GABRG3: variants seen among roughly 807,000 people sequenced by gnomAD.
GABRG3 encodes gamma-aminobutyric acid type A receptor subunit gamma3.
A neutral mutation model predicts 48.8 loss-of-function variants in GABRG3; 25 were observed. The ratio of observed to expected loss-of-function variants is 0.51; its 90% CI spans 0.37 to 0.72. GABRG3 has a LOEUF of 0.72. Among genes scored for constraint, GABRG3 ranks in the 30% least tolerant of loss-of-function variants. The pLI, the probability that GABRG3 is intolerant of heterozygous loss-of-function variation, is 0.00. For synonymous variants in GABRG3, 227 were observed against 217.6 expected (o/e 1.04, Z -0.38); for missense variants, 394 against 577.9 (o/e 0.68, Z 3.26).
intron 5 of GABRG3, among the ~76,000 whole-genome samples, chr15:27,402,395 A>G (rs576697688): frequency 6.6e-6 from 1 of 152,322 alleles, no homozygotes; most frequent in African/African-American, 2.4e-5. Flanking sequence ...TCCTCTATGG[A>G]TATCAGCATT....
At chr15:27,469,345 A>G (rs768427319) in intron 5 of GABRG3, among the ~76,000 whole-genome samples, 25 of 151,754 alleles carry the variant, frequency 1.6e-4, no homozygotes, top group Non-Finnish European at 2.9e-4. Flanking sequence ...TTTTTATTTT[A>G]TTTTATTTTT....
intron 3 of GABRG3, among the ~76,000 whole-genome samples, chr15:27,213,965 C>T (rs1001716255): frequency 2.8e-4 from 42 of 152,170 alleles, no homozygotes; most frequent in African/African-American, 9.9e-4. Flanking sequence ...GGAGTGCTTC[C>T]AAGGTAACAG....
At chr15:27,375,210 A>C (rs1025788983) in intron 5 of GABRG3, among the ~76,000 whole-genome samples, 6 of 152,078 alleles carry the variant, frequency 3.9e-5, no homozygotes, top group Non-Finnish European at 1.5e-5. Context: ...AGTTCAGTTC[A>C]TGTAAATGCT....
chr15:27,002,418 G>T (rs1002440208), intron 2 of GABRG3, among the ~76,000 whole-genome samples: 2 of 152,136 alleles, frequency 1.3e-5, no homozygotes, highest in African/African-American at 4.8e-5. Context: ...AGAAATTTTA[G>T]CAGTGGGCTC....
rs960053548 is a variant in GABRG3, at chr15:26,975,209, A to G, written c.54-1793A>G. On this transcript the variant is annotated intron_variant, in intron 1 of 9. Coordinates refer to ENST00000615808, the MANE Select transcript of GABRG3 (RefSeq NM_033223.5). This position sits in a 1 kb window ranked among gnomAD's most constrained non-coding sequence, Gnocchi z 4.6. ...ATGAAATATTTTAGAGTAACATTTA[A>G]AATTCTGTAGTATTACTTGTAAATG... Among the ~76,000 whole-genome samples the G allele has an allele frequency of 2.0e-5, 3 of 152,156 alleles. No homozygotes were observed. The highest frequency in any genetic ancestry group is 2.9e-5 in the Non-Finnish European group (2 of 68,026).
At chr15:27,512,751 C>T (rs1890925165) in intron 6 of GABRG3, among the ~76,000 whole-genome samples, 1 of 152,174 alleles carries the variant, frequency 6.6e-6, no homozygotes, top group African/African-American at 2.4e-5. Context: ...TGCTCAAGGG[C>T]AAAGCCCAGG....
At chr15:26,999,700 A>G (rs1042380320) in intron 2 of GABRG3, among the ~76,000 whole-genome samples, 2 of 152,036 alleles carry the variant, frequency 1.3e-5, no homozygotes, top group Admixed American at 6.6e-5. Flanking sequence ...TCAAATGTAT[A>G]TTTTTCTGGT....
At chr15:27,481,312 A>G (rs1038612327) in intron 6 of GABRG3, 1 of 887,828 alleles carries the variant, frequency 1.1e-6, no homozygotes, top group Admixed American at 6.2e-5. Context: ...CTGTAATTAA[A>G]TAAAAAGAGT....
At chr15:26,973,496 T>G (rs1020845321) in intron 1 of GABRG3, among the ~76,000 whole-genome samples, 5 of 152,236 alleles carry the variant, frequency 3.3e-5, no homozygotes, top group Non-Finnish European at 7.3e-5. Flanking sequence ...TGATGTGCAG[T>G]GTCATCTTTC....
At chr15:27,313,326 C>G (rs1289609781) in intron 3 of GABRG3, among the ~76,000 whole-genome samples, 3 of 103,612 alleles carry the variant, frequency 2.9e-5, no homozygotes, top group Non-Finnish European at 3.8e-5. Context: ...CATCAGCACA[C>G]CAAAATACAT....
At chr15:27,149,954 C>T (rs1358422369) in intron 3 of GABRG3, among the ~76,000 whole-genome samples, 1 of 152,178 alleles carries the variant, frequency 6.6e-6, no homozygotes, top group Non-Finnish European at 1.5e-5. Flanking sequence ...ACATTTATTA[C>T]TACTGTGTGA....
chr15:27,169,378 A>G (rs562982579), intron 3 of GABRG3, among the ~76,000 whole-genome samples: 9 of 152,194 alleles, frequency 5.9e-5, no homozygotes, highest in African/African-American at 2.2e-4. Context: ...AGGCTGGGGA[A>G]GCACCGCCCA....
intron 3 of GABRG3, among the ~76,000 whole-genome samples, chr15:27,062,969 A>G (rs1404760873): frequency 6.6e-6 from 1 of 152,242 alleles, no homozygotes; most frequent in Non-Finnish European, 1.5e-5. Context: ...GATCCTTTCA[A>G]TAGAAAAGAA....
intron 2 of GABRG3, among the ~76,000 whole-genome samples, chr15:27,010,355 G>C (rs914475785): frequency 1.3e-5 from 2 of 152,194 alleles, no homozygotes; most frequent in African/African-American, 4.8e-5. Context: ...TGAACAGGGT[G>C]ATAACTTTAG....
At chr15:27,238,267 G>C (rs933149838) in intron 3 of GABRG3, among the ~76,000 whole-genome samples, 7 of 152,238 alleles carry the variant, frequency 4.6e-5, no homozygotes, top group African/African-American at 1.7e-4. Flanking sequence ...TGTTTAAGTG[G>C]ATACAGTTGG....
At chr15:27,491,434 A>G (rs1372551536) in intron 6 of GABRG3, among the ~76,000 whole-genome samples, 1 of 152,194 alleles carries the variant, frequency 6.6e-6, no homozygotes, top group Non-Finnish European at 1.5e-5. Context: ...CTCAAAGTTT[A>G]CATCTTTCTT....
intron 3 of GABRG3, among the ~76,000 whole-genome samples, chr15:27,106,168 T>C (rs1286398679): frequency 6.6e-6 from 1 of 152,064 alleles, no homozygotes; most frequent in Non-Finnish European, 1.5e-5. Context: ...GGATACAAAG[T>C]AGCAATATGT....
rs1894915216 is a variant in GABRG3 at position 26,975,094 on chromosome 15, C to G, written c.54-1908C>G. ...GTTTCACCCTGTTGGCCAGGCTGGT[C>G]TGGAACTCCTGACCTCAGATGACCC... On this transcript the variant is annotated intron_variant, in intron 1 of 9. Coordinates refer to ENST00000615808, the MANE Select transcript of GABRG3 (RefSeq NM_033223.5). This position sits in a 1 kb window ranked among gnomAD's most constrained non-coding sequence, Gnocchi z 4.6. Among the ~76,000 whole-genome samples the G allele has an allele frequency of 6.6e-6, 1 of 151,918 alleles. No homozygotes were observed.
intron 5 of GABRG3, among the ~76,000 whole-genome samples, chr15:27,479,563 G>A (rs1185150365): frequency 1.3e-5 from 2 of 152,226 alleles, no homozygotes; most frequent in African/African-American, 4.8e-5. Flanking sequence ...TGATTTAAAT[G>A]TTTAATCAGC....
Sources: allele counts gnomAD v4.1 joint callset (sites outside exome capture counted in the v4.1 genomes callset), GRCh38; gene constraint gnomAD v4.1.1; non-coding constraint Gnocchi (gnomAD v3.1); transcripts MANE v1.5; gene names NCBI Gene and HGNC (gene_info 2026-07-23, HGNC 2026-07-21).